Variants in NRF1 observed in about 807,000 individuals in gnomAD.
NRF1 encodes the protein alpha palindromic-binding protein.
In NRF1, 5 loss-of-function variants were observed where a neutral mutation model predicts 58.5. That is an observed-to-expected ratio of 0.09 (90% confidence interval 0.04 to 0.18). NRF1 has a LOEUF of 0.18. Among genes scored for constraint, NRF1 ranks in the 10% least tolerant of loss-of-function variants. The pLI is 1.00. For synonymous variants in NRF1, 224 were observed against 246.7 expected (o/e 0.91, Z 0.86); for missense variants, 288 against 657.7 (o/e 0.44, Z 6.15).
At chr7:129,727,837 G>T (rs1415060288) in intron 10 of NRF1, among the ~76,000 whole-genome samples, 1 of 152,130 alleles carries the variant, frequency 6.6e-6, no homozygotes, top group Non-Finnish European at 1.5e-5. Flanking sequence ...GTGCCTCTCT[G>T]GTTGGTACTG....
At chr7:129,709,261 G>C in intron 6 of NRF1, 28 bp downstream of exon 6, 1 of 1,403,684 alleles carries the variant, frequency 7.1e-7, no homozygotes, top group Non-Finnish European at 9.4e-7. Context: ...TGAGTTGCCT[G>C]GTTGCTTTTC....
intron 8 of NRF1, among the ~76,000 whole-genome samples, chr7:129,716,973 A>C (rs1360271953): frequency 1.3e-5 from 2 of 152,126 alleles, no homozygotes; most frequent in Non-Finnish European, 2.9e-5. Context: ...GAATATATTC[A>C]GTGGCTTTTG....
chr7:129,674,267 A>T (rs1007633056), intron 3 of NRF1, among the ~76,000 whole-genome samples: 7 of 152,180 alleles, frequency 4.6e-5, no homozygotes, highest in African/African-American at 1.4e-4. Flanking sequence ...TACCTCAGAG[A>T]TATTGCAGGT....
intron 4 of NRF1, among the ~76,000 whole-genome samples, chr7:129,681,242 T>C (rs1489623028): frequency 1.3e-5 from 2 of 152,134 alleles, no homozygotes; most frequent in Non-Finnish European, 2.9e-5. Flanking sequence ...TTAGAGATGC[T>C]CCCTTAGAGA....
chr7:129,714,640 A>G (rs767505609), intron 8 of NRF1, among the ~76,000 whole-genome samples: 1 of 152,170 alleles, frequency 6.6e-6, no homozygotes, highest in East Asian at 1.9e-4. Flanking sequence ...GCTCTAGGAT[A>G]TCTCTGCCTC....
At chr7:129,624,450 C>G (rs1367899098) in intron 1 of NRF1, among the ~76,000 whole-genome samples, 4 of 152,106 alleles carry the variant, frequency 2.6e-5, no homozygotes, top group East Asian at 1.9e-4. Context: ...TTTTACTTTA[C>G]TTAGGCTTTT....
At chr7:129,702,093 C>G (rs966892174) in intron 5 of NRF1, among the ~76,000 whole-genome samples, 1 of 152,178 alleles carries the variant, frequency 6.6e-6, no homozygotes, top group African/African-American at 2.4e-5. Context: ...GCCCATGCCT[C>G]TGGATAGGAG....
chr7:129,630,282 A>G (rs1801018268), intron 1 of NRF1: 2 of 152,344 alleles, frequency 1.3e-5, no homozygotes, highest in South Asian at 4.1e-4. Flanking sequence ...GGTAAATGCA[A>G]ATGATGAAAT....
chr7:129,711,223 A>G (rs558156230), intron 7 of NRF1, among the ~76,000 whole-genome samples: 2 of 152,314 alleles, frequency 1.3e-5, no homozygotes, highest in South Asian at 4.1e-4. Flanking sequence ...AAGTTGGTTG[A>G]CCAACACTGG....
intron 10 of NRF1, among the ~76,000 whole-genome samples, chr7:129,737,254 T>C (rs536352197): frequency 1.3e-5 from 2 of 152,330 alleles, no homozygotes; most frequent in East Asian, 3.9e-4. Flanking sequence ...TCTGTAACCT[T>C]GACTGAAGAA....
intron 1 of NRF1, among the ~76,000 whole-genome samples, chr7:129,647,554 C>T (rs1439522098): frequency 6.6e-6 from 1 of 151,976 alleles, no homozygotes; most frequent in East Asian, 1.9e-4. Context: ...AGCCACCACC[C>T]CTGGCTAATT....
At chr7:129,638,330 T>G (rs1198246477) in intron 1 of NRF1, among the ~76,000 whole-genome samples, 1 of 152,162 alleles carries the variant, frequency 6.6e-6, no homozygotes, top group African/African-American at 2.4e-5. Context: ...GAATTATACT[T>G]GACACTTTAT....
chr7:129,678,180 C>T (rs1274495947), intron 4 of NRF1, among the ~76,000 whole-genome samples: 2 of 152,134 alleles, frequency 1.3e-5, no homozygotes, highest in African/African-American at 4.8e-5. Context: ...AAATATCTTA[C>T]ATTTATCAAA....
At chr7:129,709,561 T>C (rs1415700712) in intron 6 of NRF1, among the ~76,000 whole-genome samples, 2 of 152,152 alleles carry the variant, frequency 1.3e-5, no homozygotes, top group African/African-American at 4.8e-5. Context: ...GAAATGCTTT[T>C]ATTTCTGGTT....
intron 1 of NRF1, among the ~76,000 whole-genome samples, chr7:129,637,693 A>G (rs1156328347): frequency 3.3e-5 from 5 of 152,270 alleles, no homozygotes; most frequent in Admixed American, 6.5e-5. Flanking sequence ...TTCAATTTCC[A>G]TCATTTTATG....
At chr7:129,657,659 G>A in intron 2 of NRF1, 85 bp downstream of exon 2, 1 of 829,924 alleles carries the variant, frequency 1.2e-6, no homozygotes, top group Non-Finnish European at 1.8e-6. Flanking sequence ...GCTCAGGCTG[G>A]GGTGCAGCAG....
intron 5 of NRF1, among the ~76,000 whole-genome samples, chr7:129,702,886 C>T (rs1359501569): frequency 6.6e-6 from 1 of 152,084 alleles, no homozygotes; most frequent in Non-Finnish European, 1.5e-5. Flanking sequence ...CATCAGGAGC[C>T]TCAAAATCCC....
intron 1 of NRF1, among the ~76,000 whole-genome samples, chr7:129,647,161 C>T (rs1801426557): frequency 6.6e-6 from 1 of 151,988 alleles, no homozygotes; most frequent in Non-Finnish European, 1.5e-5. Context: ...CCTCAGTCTC[C>T]AGAGTAGCTG....
intron 5 of NRF1, among the ~76,000 whole-genome samples, chr7:129,706,549 C>T (rs1451250109): frequency 6.6e-6 from 1 of 151,994 alleles, no homozygotes; most frequent in African/African-American, 2.4e-5. Context: ...GTTTGAGTGG[C>T]CGGGGAAAGG....
Sources: allele counts gnomAD v4.1 joint callset (sites outside exome capture counted in the v4.1 genomes callset), GRCh38; gene constraint gnomAD v4.1.1; transcripts MANE v1.5; gene names NCBI Gene and HGNC (gene_info 2026-07-23, HGNC 2026-07-21).